The following HYAL4 variants were observed in gnomAD, a reference collection of about 807,000 sequenced individuals.
The protein encoded by HYAL4 is hyaluronidase-4.
Under a neutral mutation model 35.2 loss-of-function variants are expected in HYAL4, and 37 were observed. That is an observed-to-expected ratio of 1.05 (90% CI 0.81 to 1.38). The LOEUF (loss-of-function observed/expected upper bound fraction) is 1.38. Ranked by LOEUF, HYAL4 falls within the 40% of genes most tolerant of loss-of-function variation. HYAL4 has a pLI of 0.00. For synonymous variants in HYAL4, 198 were observed against 203.2 expected (o/e 0.97, Z 0.22); for missense variants, 572 against 572.4 (o/e 1.00, Z 0.01).
At chr7:123,807,432 GT>G in the HYAL4 span, among the ~76,000 whole-genome samples, 4,821 of 120,682 alleles carry the variant, frequency 0.04, 27 homozygotes, top group Middle Eastern at 0.067. Context: ...ACTTTTTATG[GT>G]TTTTTTTTTT....
chr7:123,842,851 G>A (rs180782626), upstream of HYAL4, among the ~76,000 whole-genome samples: 7 of 151,638 alleles, frequency 4.6e-5, no homozygotes, highest in African/African-American at 1.7e-4. Flanking sequence ...CTTTTGCTTG[G>A]TAGATCCTCC....
At chr7:123,778,159 GTCTATCTATCTATCTATCTA>G in the HYAL4 span, among the ~76,000 whole-genome samples, 59 of 120,824 alleles carry the variant, frequency 4.9e-4, no homozygotes, top group African/African-American at 1.6e-3. Flanking sequence ...CTGTCTGTCT[GTCTATCTATCTATCTATCTA>G]TCTATCTATC....
chr7:123,830,265 AT>A (rs1432924415), intron 1 of HYAL4, among the ~76,000 whole-genome samples: 1 of 152,170 alleles, frequency 6.6e-6, no homozygotes, highest in Non-Finnish European at 1.5e-5. Context: ...TGAGATGAAC[AT>A]TTTTTTCTAA....
the HYAL4 span, among the ~76,000 whole-genome samples, chr7:123,807,487 G>A: frequency 1.4e-5 from 2 of 142,452 alleles, no homozygotes; most frequent in Non-Finnish European, 3.0e-5. Context: ...CAGGCTGGAG[G>A]GCAGTGGTGC....
chr7:123,814,703 A>G, the HYAL4 span: 1 of 152,628 alleles, frequency 6.6e-6, no homozygotes, highest in Non-Finnish European at 1.5e-5. Flanking sequence ...TTTCATGAAC[A>G]TTACTCTCAC....
intron 2 of HYAL4, among the ~76,000 whole-genome samples, chr7:123,857,665 GTTTGTTTCTTTCTTTCTTTCTTTCTTTC>G (rs1431109278): frequency 1.0e-5 from 1 of 95,508 alleles, no homozygotes; most frequent in Admixed American, 1.1e-4. Context: ...TTCTTTCTTT[GTTTGTTTCTTTCTTTCTTTCTTTCTTTC>G]TTTCTTTCTT....
At chr7:123,764,841 C>A in the HYAL4 span, among the ~76,000 whole-genome samples, 1 of 152,164 alleles carries the variant, frequency 6.6e-6, no homozygotes. Context: ...CAGCTACCAG[C>A]TTCCACTCCA....
intron 4 of HYAL4, among the ~76,000 whole-genome samples, 184 bp from the exon 5 acceptor site, chr7:123,876,570 G>T (rs1807029984): frequency 6.6e-6 from 1 of 152,094 alleles, no homozygotes; most frequent in South Asian, 2.1e-4. Context: ...TGGGACCCTT[G>T]TTATAGTGCC....
the HYAL4 span, among the ~76,000 whole-genome samples, chr7:123,764,320 T>A: frequency 2.0e-5 from 3 of 152,222 alleles, no homozygotes; most frequent in Non-Finnish European, 4.4e-5. Flanking sequence ...AAGCCTTCTC[T>A]GAATTTCCCG....
At chr7:123,817,581 G>A in the HYAL4 span, among the ~76,000 whole-genome samples, 2 of 148,038 alleles carry the variant, frequency 1.4e-5, no homozygotes, top group African/African-American at 5.0e-5. Flanking sequence ...TATGATCTTG[G>A]CTCACTGCAA....
the HYAL4 span, among the ~76,000 whole-genome samples, chr7:123,821,225 A>G: frequency 6.6e-6 from 1 of 152,200 alleles, no homozygotes; most frequent in South Asian, 2.1e-4. Context: ...TTTTTGAGGA[A>G]TCTTCCATAC....
intron 4 of HYAL4, among the ~76,000 whole-genome samples, chr7:123,875,454 C>G (rs1290386781): frequency 2.0e-5 from 3 of 151,654 alleles, no homozygotes; most frequent in African/African-American, 7.3e-5. Flanking sequence ...GCCAGGAGTT[C>G]GAGACCAGCC....
At chr7:123,829,495 C>T (rs2116904359) in intron 1 of HYAL4, among the ~76,000 whole-genome samples, 1 of 152,172 alleles carries the variant, frequency 6.6e-6, no homozygotes, top group East Asian at 1.9e-4. Flanking sequence ...AAAAGTTAGT[C>T]ATTGATGCCA....
At chr7:123,842,111 C>T (rs148892435), upstream of HYAL4, among the ~76,000 whole-genome samples, 1,839 of 152,104 alleles carry the variant, frequency 0.012, 34 homozygotes, top group African/African-American at 0.042. Context: ...TTAGATCTTT[C>T]CTGCTTTCTG....
At chr7:123,772,171 C>T in the HYAL4 span, among the ~76,000 whole-genome samples, 15 of 152,074 alleles carry the variant, frequency 9.9e-5, no homozygotes, top group Non-Finnish European at 2.1e-4. Flanking sequence ...AATAAATCTC[C>T]TTTTTTATAT....
At chr7:123,792,273 G>A in the HYAL4 span, among the ~76,000 whole-genome samples, 2 of 152,212 alleles carry the variant, frequency 1.3e-5, no homozygotes, top group Non-Finnish European at 2.9e-5. Context: ...AACACGGTAC[G>A]TATTTATTGG....
At chr7:123,843,872 T>A (rs1359643769), upstream of HYAL4, among the ~76,000 whole-genome samples, 1 of 151,974 alleles carries the variant, frequency 6.6e-6, no homozygotes, top group Non-Finnish European at 1.5e-5. Context: ...TTCTCCACAC[T>A]GTTTATTCTA....
At chr7:123,788,506 T>C in the HYAL4 span, among the ~76,000 whole-genome samples, 157 of 152,326 alleles carry the variant, frequency 1.0e-3, no homozygotes, top group Non-Finnish European at 1.7e-3. Context: ...AATTCTGAGA[T>C]CTAAAATAGA....
At chr7:123,781,886 A>G in the HYAL4 span, among the ~76,000 whole-genome samples, 2 of 152,126 alleles carry the variant, frequency 1.3e-5, no homozygotes, top group Non-Finnish European at 2.9e-5. Context: ...AACCTGGGTT[A>G]CTTCATAAAT....
Sources: allele counts gnomAD v4.1 joint callset (sites outside exome capture counted in the v4.1 genomes callset), GRCh38; gene constraint gnomAD v4.1.1; transcripts MANE v1.5; gene names NCBI Gene and HGNC (gene_info 2026-07-23, HGNC 2026-07-21).